The following CD53 variants were observed in gnomAD, a reference collection of about 807,000 sequenced individuals.
The protein encoded by CD53 is leukocyte surface antigen CD53.
A neutral mutation model predicts 27.3 loss-of-function variants in CD53; 20 were observed. That is an observed-to-expected ratio of 0.73 (90% CI 0.52 to 1.07). The LOEUF is 1.07. Ranked by LOEUF, CD53 falls within the 50% of genes least tolerant of loss-of-function variation. The pLI, the probability that CD53 is intolerant of heterozygous loss-of-function variation, is 0.00. For missense variants in CD53, 216 were observed against 264.0 expected, an observed-to-expected ratio of 0.82 and a Z score of 1.26; for synonymous variants, 106 against 105.3, an observed-to-expected ratio of 1.01 and a Z score of -0.04.
chr1:110,887,619 A>G (rs1433512705), intron 1 of CD53, among the ~76,000 whole-genome samples: 2 of 152,104 alleles, frequency 1.3e-5, no homozygotes, highest in African/African-American at 4.8e-5. Context: ...TACTCTTAAG[A>G]TTTGTTGGGT....
At chr1:110,883,308 AGAT>A (rs1292676724) in intron 1 of CD53, among the ~76,000 whole-genome samples, 1 of 151,988 alleles carries the variant, frequency 6.6e-6, no homozygotes, top group African/African-American at 2.4e-5. Flanking sequence ...GTATCTATTG[AGAT>A]GATAATTTAT....
intron 4 of CD53, 110 bp from the exon 5 acceptor site, chr1:110,894,850 C>A: frequency 1.3e-6 from 1 of 786,892 alleles, no homozygotes; most frequent in South Asian, 1.5e-5. Flanking sequence ...CTGAGGAGAC[C>A]ATTTGGAAGG....
intron 1 of CD53, among the ~76,000 whole-genome samples, chr1:110,878,920 G>A (rs1656232084): frequency 6.6e-6 from 1 of 152,182 alleles, no homozygotes; most frequent in East Asian, 1.9e-4. Context: ...AACTGTACTT[G>A]CATTTATTTA....
rs1330287535 is a variant in CD53, at chr1:110,897,969, C to A, written c.588+77C>A. On this transcript the variant is annotated intron_variant, in intron 7 of 7. Transcript: ENST00000271324. ...TAAGATTTCAGAATAATACCAGGTA[C>A]ACAGTATTTACACAATAAATGTTAG... The A allele has an allele frequency of 7.8e-6, 6 of 768,186 alleles. No homozygotes were observed. The Admixed American group carries it at 1.3e-4, about 16-fold the overall frequency. 47.6% of individuals were successfully genotyped at this position (768,186 alleles called of 1,614,324 possible). A position where few individuals can be genotyped will look rare whatever the true frequency, so the allele number is the denominator to read the frequency against.
At position 110,879,310 on chromosome 1, in the gene CD53, G is replaced by T. The variant is rs144838551; in HGVS notation, c.-18+6062G>T. Among the ~76,000 whole-genome samples, 528 of 152,244 alleles carry T rather than the reference G, an allele frequency of 3.5e-3. 5 individuals are homozygous for T. The highest frequency in any genetic ancestry group is 0.012 in the African/African-American group (508 of 41,556). ...TAAGTATTAATAACCCTATTTCAAAGATATAGTGAAAGACAGGTTAAGCAA... is the reference window on the plus strand; with the variant it reads ...TAAGTATTAATAACCCTATTTCAAATATATAGTGAAAGACAGGTTAAGCAA... On this transcript the variant is annotated intron_variant, in intron 1 of 7. Transcript: ENST00000271324.
intron 1 of CD53, among the ~76,000 whole-genome samples, chr1:110,885,612 C>G (rs1261337682): frequency 6.6e-6 from 1 of 151,884 alleles, no homozygotes; most frequent in Non-Finnish European, 1.5e-5. Context: ...CCTGTAATCC[C>G]AACACTTTAG....
chr1:110,872,961 T>A (rs1037284696), upstream of CD53, among the ~76,000 whole-genome samples: 3 of 152,226 alleles, frequency 2.0e-5, no homozygotes, highest in African/African-American at 4.8e-5. Context: ...GTTTTGAAGT[T>A]TTCTTTTGTT....
At position 110,899,138 on chromosome 1, in the gene CD53, C is replaced by G. The variant is rs751735050; in HGVS notation, c.603C>G (p.Ser201=). The change falls in exon 8 of 8, where the codon TCC becomes TCG. Residue 201 remains serine, a synonymous_variant. Transcript: ENST00000271324. ...TCTTTTCACAGGTGTTGGGGATGTC[C>G]TTTGCACTGACCCTGAACTGCCAGA... ...CVCVIEVLGM[S]FALTLNCQID... 7 of 1,613,776 alleles carry G rather than the reference C, an allele frequency of 4.3e-6. No individual in the cohort carries two copies. In the East Asian group the frequency reaches 1.1e-4, roughly 26 times the overall value.
chr1:110,873,203 A>T lies in CD53; in HGVS notation c.-63A>T, dbSNP rs1378691094. On this transcript the variant is annotated 5_prime_UTR_variant, in exon 1 of 8. Transcript: ENST00000271324. ...CCTTGTCTCGGCCACCTCAAGGATAATCACTAAATTCTGCCGAAAGGACTG... is the reference window on the plus strand; with the variant it reads ...CCTTGTCTCGGCCACCTCAAGGATATTCACTAAATTCTGCCGAAAGGACTG... 6.6e-6 allele frequency: 1 copy of T among 152,602 alleles called. No homozygotes were observed. The highest frequency in any genetic ancestry group is 1.5e-5 in the Non-Finnish European group (1 of 68,044). 9.5% of individuals were successfully genotyped at this position (152,602 alleles called of 1,614,324 possible).
chr1:110,888,233 T>C (rs533119331), intron 1 of CD53, among the ~76,000 whole-genome samples: 6 of 152,274 alleles, frequency 3.9e-5, no homozygotes, highest in African/African-American at 1.2e-4. Flanking sequence ...GGCACGAAGT[T>C]TGTGGTAATG....
In CD53 at chr1:110,896,712, C is replaced by A; in HGVS notation, c.483C>A (p.Cys161Ter). Reference sequence around the variant, plus strand: ...GGACCAGTGGCCCACCAGCATCTTGCCCCTCAGATCGAAAAGTGGAGGTAA... The same window carrying A: ...GGACCAGTGGCCCACCAGCATCTTGACCCTCAGATCGAAAAGTGGAGGTAA... ...SDWTSGPPAS[C>*]PSDRKVEGCY... Residue 161 changes from cysteine to a stop codon, truncating the protein, a stop_gained, in exon 6 of 8, where the codon TGC becomes TGA. Transcript: ENST00000271324. LOFTEE classifies it high-confidence loss of function. 1 of 1,613,102 alleles carries A rather than the reference C, an allele frequency of 6.2e-7. No homozygotes were observed. The highest frequency in any genetic ancestry group is 8.5e-7 in the Non-Finnish European group (1 of 1,179,580).
intron 1 of CD53, among the ~76,000 whole-genome samples, chr1:110,886,870 T>TATA (rs1491267172): frequency 4.2e-4 from 15 of 35,512 alleles, no homozygotes; most frequent in Non-Finnish European, 5.7e-4. Flanking sequence ...TATATATATA[T>TATA]TTTTTTTTTC....
At chr1:110,872,389 A>T (rs1489796993), upstream of CD53, among the ~76,000 whole-genome samples, 1 of 152,210 alleles carries the variant, frequency 6.6e-6, no homozygotes, top group Non-Finnish European at 1.5e-5. Context: ...ATAAATAAGG[A>T]TGTAACAGTA....
chr1:110,891,566 C>T, intron 2 of CD53, 95 bp downstream of exon 2: 1 of 920,676 alleles, frequency 1.1e-6, no homozygotes, highest in Non-Finnish European at 1.8e-6. Context: ...GGGTAAAATG[C>T]ATGCGTGTTT....
chr1:110,896,576 C>G, intron 5 of CD53, 77 bp from the exon 6 acceptor site: 2 of 1,361,432 alleles, frequency 1.5e-6, no homozygotes, highest in Non-Finnish European at 2.1e-6. Context: ...GAAGGGCACA[C>G]CTTTTCCTCT....
In CD53 at chr1:110,886,860, TA is replaced by T. The variant is rs1443793442; in HGVS notation, c.-17-4531del. On this transcript the variant is annotated intron_variant, in intron 1 of 7. Coordinates refer to ENST00000271324, the MANE Select transcript of CD53 (RefSeq NM_000560.4). The stretch of plus-strand genomic sequence containing the variant: ...ACTCTGTCTCCAATATATATATATA[TA>T]TATATATATTTTTTTTTTCTGTCTG... Among the ~76,000 whole-genome samples, 16 of 75,800 alleles carry T rather than the reference TA, an allele frequency of 2.1e-4. No individual in the cohort carries two copies. The East Asian group carries it at 2.7e-3, about 13-fold the overall frequency. The allele number at this position is 75,800 out of a possible 152,430, so 49.7% of individuals were successfully genotyped here.
At chr1:110,894,302 T>C (rs750367369) in intron 3 of CD53, 25 bp from the exon 4 acceptor site, 1 of 1,577,590 alleles carries the variant, frequency 6.3e-7, no homozygotes. Flanking sequence ...ATCAGTGCTG[T>C]GAGAATGTAT....
At chr1:110,882,599 T>C (rs1420252856) in intron 1 of CD53, among the ~76,000 whole-genome samples, 1 of 152,042 alleles carries the variant, frequency 6.6e-6, no homozygotes, top group Non-Finnish European at 1.5e-5. Context: ...TCTTGAAGCC[T>C]ACAAAAAATT....
chr1:110,884,201 A>G (rs1470991382), intron 1 of CD53, among the ~76,000 whole-genome samples: 1 of 152,020 alleles, frequency 6.6e-6, no homozygotes, highest in Non-Finnish European at 1.5e-5. Context: ...CACATTTTCA[A>G]CATGTTTTTA....
Sources: gnomAD v4.1 joint callset for allele counts (sites outside exome capture counted in the v4.1 genomes callset) on GRCh38, gnomAD v4.1.1 for gene constraint, MANE v1.5 for transcripts, NCBI Gene and HGNC (gene_info 2026-07-23, HGNC 2026-07-21) for gene names.